Variants in FABP6 observed in about 807,000 individuals in gnomAD.
FABP6 encodes gastrotropin.
A neutral mutation model predicts 14.9 loss-of-function variants in FABP6; 13 were observed. The ratio of observed to expected loss-of-function variants is 0.87; its 90% CI spans 0.57 to 1.39. The LOEUF is 1.39. Among genes scored for constraint, FABP6 ranks in the 40% most tolerant of loss-of-function variants. The pLI is 0.00. For synonymous variants in FABP6, 75 were observed against 63.6 expected, an observed-to-expected ratio of 1.18 and a Z score of -0.85; for missense variants, 161 against 167.2, an observed-to-expected ratio of 0.96 and a Z score of 0.20.
At chr5:160,235,648 G>A (rs911499929) in intron 3 of FABP6, among the ~76,000 whole-genome samples, 1 of 152,218 alleles carries the variant, frequency 6.6e-6, no homozygotes. Flanking sequence ...CTGGGCCAGA[G>A]ACCCTCTGGG....
At chr5:160,216,972 T>C (rs1760025030) in intron 3 of FABP6, among the ~76,000 whole-genome samples, 1 of 152,194 alleles carries the variant, frequency 6.6e-6, no homozygotes, top group Admixed American at 6.5e-5. Flanking sequence ...TAGCCAGACA[T>C]CCTCCTCCGC....
At chr5:160,229,656 G>T (rs1280099403) in intron 1 of FABP6, 32 bp downstream of exon 1, 1 of 1,610,738 alleles carries the variant, frequency 6.2e-7, no homozygotes. Context: ...CCTTCCTCGG[G>T]GTTGGTTTGT....
chr5:160,192,093 C>T (rs905311850), intron 1 of FABP6, among the ~76,000 whole-genome samples: 3 of 152,070 alleles, frequency 2.0e-5, no homozygotes, highest in Non-Finnish European at 4.4e-5. Context: ...CTTTCCCTCA[C>T]CTGACCCCTT....
intron 3 of FABP6, among the ~76,000 whole-genome samples, chr5:160,216,678 C>T (rs866285412): frequency 5.3e-5 from 8 of 152,186 alleles, no homozygotes; most frequent in Non-Finnish European, 1.2e-4. Flanking sequence ...AATTCCTATC[C>T]AAACTTAATC....
intron 2 of FABP6, among the ~76,000 whole-genome samples, chr5:160,200,718 T>C (rs2112588): frequency 0.89 from 135,788 of 152,030 alleles, 60,738 homozygotes; most frequent in Non-Finnish European, 0.92. Flanking sequence ...CCGGCAAGTC[T>C]TTAGTTTGAG....
At chr5:160,225,386 G>A (rs933554491), upstream of FABP6, among the ~76,000 whole-genome samples, 4 of 149,764 alleles carry the variant, frequency 2.7e-5, no homozygotes, top group African/African-American at 9.8e-5. Flanking sequence ...TGAGTCACTG[G>A]GCCCAGCCCC....
At chr5:160,227,530 A>AAAAC (rs367940026), upstream of FABP6, among the ~76,000 whole-genome samples, 9 of 145,430 alleles carry the variant, frequency 6.2e-5, no homozygotes, top group Non-Finnish European at 1.2e-4. Flanking sequence ...CACTTCAAAA[A>AAAAC]AAAAAAAAAA....
intron 3 of FABP6, among the ~76,000 whole-genome samples, chr5:160,237,174 T>G (rs949483667): frequency 6.6e-6 from 1 of 152,042 alleles, no homozygotes. Context: ...CTCCCCAGCC[T>G]GTGAGGTGTG....
rs567470982 is a variant in FABP6 at position 160,188,022 on chromosome 5, G to T, written c.-59+568G>T. On this transcript the variant is annotated intron_variant, in intron 1 of 6. Coordinates refer to the FABP6 transcript ENST00000393980. Reference sequence around the variant, plus strand: ...CCGCCTCGGCCTCCCAAAGTGTTGAGATTACAGACGTGAGCCACTGAGACC... The same window carrying T: ...CCGCCTCGGCCTCCCAAAGTGTTGATATTACAGACGTGAGCCACTGAGACC... 1.1e-4 allele frequency among the ~76,000 whole-genome samples: 17 copies of T among 151,702 alleles called. No homozygotes were observed. The South Asian group carries it at 3.5e-3, about 32-fold the overall frequency.
At chr5:160,206,167 C>T (rs1759760488) in intron 2 of FABP6, among the ~76,000 whole-genome samples, 1 of 152,158 alleles carries the variant, frequency 6.6e-6, no homozygotes. Context: ...GGCGTGGTGG[C>T]TCATGCCTGT....
upstream of FABP6, among the ~76,000 whole-genome samples, chr5:160,225,074 C>T (rs574833952): frequency 2.3e-4 from 34 of 146,236 alleles, no homozygotes; most frequent in Admixed American, 4.9e-4. Flanking sequence ...ACTACCATGT[C>T]TGGTCAAACC....
upstream of FABP6, chr5:160,228,471 A>C (rs993107976): frequency 6.6e-6 from 3 of 456,192 alleles, no homozygotes; most frequent in Non-Finnish European, 8.8e-6. Context: ...TGCCCAATGC[A>C]GAGGACATTC....
At chr5:160,199,155 C>G in exon 2 of FABP6, 1 of 1,614,152 alleles carries the variant, frequency 6.2e-7, no homozygotes, top group South Asian at 1.1e-5. Flanking sequence ...GGCGCTGACT[C>G]AGGTAGCTCC....
upstream of FABP6, chr5:160,228,596 C>T (rs2113134920): frequency 4.4e-6 from 2 of 454,442 alleles, no homozygotes; most frequent in East Asian, 7.0e-5. Context: ...CTAACCCCTT[C>T]CAGCTCTGAA....
upstream of FABP6, among the ~76,000 whole-genome samples, chr5:160,225,269 G>A (rs1264014509): frequency 7.0e-5 from 10 of 142,996 alleles, no homozygotes; most frequent in Admixed American, 7.1e-4. Flanking sequence ...GCTAATTTTT[G>A]TATTTTTACT....
intron 1 of FABP6, among the ~76,000 whole-genome samples, chr5:160,191,291 C>A (rs187793861): frequency 2.6e-5 from 4 of 152,040 alleles, no homozygotes; most frequent in African/African-American, 7.2e-5. Context: ...CATGGTGACA[C>A]CCCGTCTTTA....
At chr5:160,234,242 C>A (rs4921265) in intron 2 of FABP6, among the ~76,000 whole-genome samples, 26,349 of 152,056 alleles carry the variant, frequency 0.17, 2,580 homozygotes, top group Admixed American at 0.28. Context: ...CTGCACAAAA[C>A]CCGCTTCAGC....
intron 2 of FABP6, chr5:160,204,694 T>C (rs1322576509): frequency 1.3e-5 from 2 of 152,240 alleles, no homozygotes; most frequent in East Asian, 3.8e-4. Context: ...TTTCGCCATA[T>C]TGGGCAGGCT....
intron 2 of FABP6, among the ~76,000 whole-genome samples, chr5:160,207,251 C>A (rs1301154465): frequency 6.6e-6 from 1 of 152,250 alleles, no homozygotes; most frequent in Non-Finnish European, 1.5e-5. Flanking sequence ...ATGGCCCAAT[C>A]CATTCATCCG....
Sources: gnomAD v4.1 joint callset for allele counts (sites outside exome capture counted in the v4.1 genomes callset) on GRCh38, gnomAD v4.1.1 for gene constraint, MANE v1.5 for transcripts, NCBI Gene and HGNC (gene_info 2026-07-23, HGNC 2026-07-21) for gene names.